ATRNL1: variants seen among roughly 807,000 people sequenced by gnomAD.
ATRNL1 encodes the protein attractin like 1, also known as attractin-like protein 1.
ATRNL1 carries 95 observed loss-of-function variants against 182.7 expected under a neutral mutation model. The observed-to-expected ratio is 0.52, with a 90% confidence interval of 0.44 to 0.62. The LOEUF (loss-of-function observed/expected upper bound fraction) is 0.62, where lower values mean the gene tolerates loss of function less well. ATRNL1 is among the 20% of genes least tolerant of loss of function. ATRNL1 has a pLI of 0.00. For synonymous variants in ATRNL1, 576 were observed against 568.3 expected, an observed-to-expected ratio of 1.01 and a Z score of -0.19; for missense variants, 1,471 against 1,679.5, an observed-to-expected ratio of 0.88 and a Z score of 2.17.
chr10:115,367,666 G>T (rs7068635), intron 19 of ATRNL1, among the ~76,000 whole-genome samples: 71,050 of 114,728 alleles, frequency 0.62, 24,299 homozygotes, highest in Non-Finnish European at 0.69. Context: ...ACTTTTGGTC[G>T]TCGATGATGG....
intron 27 of ATRNL1, among the ~76,000 whole-genome samples, chr10:115,747,666 C>T (rs1555069507): frequency 2.6e-5 from 4 of 151,836 alleles, no homozygotes; most frequent in African/African-American, 9.7e-5. Context: ...ATTGTTCCCA[C>T]CAGTGATCTT....
At chr10:115,605,527 A>T (rs1267510066) in intron 26 of ATRNL1, among the ~76,000 whole-genome samples, 1 of 151,920 alleles carries the variant, frequency 6.6e-6, no homozygotes, top group African/African-American at 2.4e-5. Flanking sequence ...TTGATTTCCA[A>T]TTTTTTTGAC....
chr10:115,213,259 T>C (rs1554895429), intron 8 of ATRNL1, among the ~76,000 whole-genome samples: 1 of 152,104 alleles, frequency 6.6e-6, no homozygotes, highest in African/African-American at 2.4e-5. Flanking sequence ...TCACCTAGTT[T>C]GGGTTTTGCA....
In ATRNL1 at chr10:115,653,763, A is replaced by G. The variant is rs1555034983; in HGVS notation, c.3796-73485A>G. Among the ~76,000 whole-genome samples, 4 of 152,270 alleles carry G rather than the reference A, an allele frequency of 2.6e-5. No individual in the cohort carries two copies. In the South Asian group the frequency reaches 8.3e-4, roughly 32 times the overall value. On this transcript the variant is annotated intron_variant, in intron 26 of 28. Transcript: ENST00000355044. Reference sequence around the variant, plus strand: ...CACTCTAAGCTCCTTGTTTGCAAATATTGTGTCTTATTTATCTTTTTATCT... The same window carrying G: ...CACTCTAAGCTCCTTGTTTGCAAATGTTGTGTCTTATTTATCTTTTTATCT...
At chr10:115,645,416 G>A (rs1165133101) in intron 26 of ATRNL1, among the ~76,000 whole-genome samples, 1 of 146,334 alleles carries the variant, frequency 6.8e-6, no homozygotes, top group Admixed American at 6.9e-5. Flanking sequence ...CTCAATGGGA[G>A]ATATATATAT....
intron 19 of ATRNL1, among the ~76,000 whole-genome samples, chr10:115,335,913 T>G (rs1167633630): frequency 6.6e-6 from 1 of 152,210 alleles, no homozygotes; most frequent in Non-Finnish European, 1.5e-5. Flanking sequence ...GAGGGCCTAC[T>G]GTAGTATGTT....
intron 26 of ATRNL1, among the ~76,000 whole-genome samples, chr10:115,582,241 G>A (rs1389626012): frequency 6.8e-6 from 1 of 147,980 alleles, no homozygotes; most frequent in Non-Finnish European, 1.5e-5. Flanking sequence ...ATGATTTATA[G>A]TCCTTTGGGT....
chr10:115,301,337 T>A (rs561974286), intron 16 of ATRNL1, among the ~76,000 whole-genome samples: 25 of 152,324 alleles, frequency 1.6e-4, no homozygotes, highest in African/African-American at 5.5e-4. Flanking sequence ...AGGTTTCAAT[T>A]TCTCTCCATC....
At chr10:115,099,288 C>G (rs577751872) in intron 1 of ATRNL1, among the ~76,000 whole-genome samples, 1 of 152,292 alleles carries the variant, frequency 6.6e-6, no homozygotes, top group Non-Finnish European at 1.5e-5. Context: ...GAATAGTGTT[C>G]CAGTGTCTGG....
intron 26 of ATRNL1, among the ~76,000 whole-genome samples, chr10:115,605,393 A>T (rs1856818703): frequency 6.6e-6 from 1 of 152,116 alleles, no homozygotes; most frequent in Admixed American, 6.6e-5. Context: ...ATGTGCAAAC[A>T]TGACAACTAA....
intron 27 of ATRNL1, among the ~76,000 whole-genome samples, chr10:115,791,413 G>A (rs1949529425): frequency 6.6e-6 from 1 of 152,078 alleles, no homozygotes. Flanking sequence ...GCAAACACCT[G>A]TCTAATCACC....
chr10:115,438,801 C>T (rs1468676354), intron 21 of ATRNL1, among the ~76,000 whole-genome samples: 1 of 151,766 alleles, frequency 6.6e-6, no homozygotes, highest in Non-Finnish European at 1.5e-5. Context: ...TTTTTGTTAG[C>T]CTATATCTAA....
intron 20 of ATRNL1, among the ~76,000 whole-genome samples, chr10:115,400,087 A>AAAAC (rs1246187417): frequency 2.6e-5 from 4 of 152,092 alleles, no homozygotes; most frequent in African/African-American, 9.7e-5. Flanking sequence ...TTTACAAGAA[A>AAAAC]AAACCAACCC....
chr10:115,654,403 G>A (rs1481152258), intron 26 of ATRNL1, among the ~76,000 whole-genome samples: 1 of 151,870 alleles, frequency 6.6e-6, no homozygotes, highest in African/African-American at 2.4e-5. Flanking sequence ...ATTTTTAGTA[G>A]AGACGGGGTT....
chr10:115,362,368 A>T (rs1359875711), intron 19 of ATRNL1, among the ~76,000 whole-genome samples: 1 of 152,058 alleles, frequency 6.6e-6, no homozygotes, highest in African/African-American at 2.4e-5. Context: ...AATTATGTAT[A>T]TTTATAATAT....
chr10:115,305,633 T>C (rs1853689375), intron 17 of ATRNL1, among the ~76,000 whole-genome samples: 1 of 152,238 alleles, frequency 6.6e-6, no homozygotes, highest in Non-Finnish European at 1.5e-5. Context: ...ATAGTCATGC[T>C]TGTCTCTCGA....
chr10:115,249,574 ACT>A (rs1268360162), intron 10 of ATRNL1, among the ~76,000 whole-genome samples: 26 of 152,216 alleles, frequency 1.7e-4, no homozygotes, highest in African/African-American at 6.0e-4. Flanking sequence ...GAGAACAGTA[ACT>A]CTAATTTTTT....
chr10:115,328,828 T>C (rs1554934188), intron 18 of ATRNL1, among the ~76,000 whole-genome samples: 1 of 152,116 alleles, frequency 6.6e-6, no homozygotes, highest in East Asian at 1.9e-4. Flanking sequence ...TGTGTATTTA[T>C]TTGTTTATTC....
At chr10:115,515,578 TTTA>T (rs1850596792) in intron 24 of ATRNL1, among the ~76,000 whole-genome samples, 1 of 151,854 alleles carries the variant, frequency 6.6e-6, no homozygotes, top group South Asian at 2.1e-4. Flanking sequence ...CTGTACAATG[TTTA>T]TTGTCTTCTT....
Sources: allele counts gnomAD v4.1 joint callset (sites outside exome capture counted in the v4.1 genomes callset), GRCh38; gene constraint gnomAD v4.1.1; transcripts MANE v1.5; gene names NCBI Gene and HGNC (gene_info 2026-07-23, HGNC 2026-07-21).